The following FRMD4A variants were observed in gnomAD, a reference collection of about 807,000 sequenced individuals.
FRMD4A encodes FERM domain containing 4A.
In FRMD4A, 29 loss-of-function variants were observed where a neutral mutation model predicts 129.1. The observed-to-expected ratio is 0.22, with a 90% confidence interval of 0.17 to 0.31. The LOEUF is 0.31. Among genes scored for constraint, FRMD4A ranks in the 10% least tolerant of loss-of-function variants. The pLI is 1.00. For synonymous variants in FRMD4A, 634 were observed against 571.6 expected (o/e 1.11, Z -1.56); for missense variants, 1,272 against 1,375.8 (o/e 0.92, Z 1.19).
chr10:13,954,894 T>C (rs1034199503), intron 2 of FRMD4A, among the ~76,000 whole-genome samples: 7 of 152,194 alleles, frequency 4.6e-5, no homozygotes, highest in Non-Finnish European at 8.8e-5. Context: ...CATTAGATTG[T>C]AAGTGGGCTA....
chr10:13,709,181 C>T (rs2087764492), intron 12 of FRMD4A, among the ~76,000 whole-genome samples: 1 of 152,178 alleles, frequency 6.6e-6, no homozygotes, highest in African/African-American at 2.4e-5. Context: ...GCAGGCTGGT[C>T]TCCAACTCCT....
chr10:14,035,033 A>G (rs1833430025), intron 2 of FRMD4A, among the ~76,000 whole-genome samples: 1 of 152,212 alleles, frequency 6.6e-6, no homozygotes, highest in South Asian at 2.1e-4. Context: ...GAGTAATATG[A>G]AACAGTACAA....
At chr10:13,983,686 T>C (rs1339961898) in intron 2 of FRMD4A, among the ~76,000 whole-genome samples, 1 of 152,046 alleles carries the variant, frequency 6.6e-6, no homozygotes, top group Non-Finnish European at 1.5e-5. Context: ...GAGCCATCTG[T>C]TAGATCTGTT....
intron 2 of FRMD4A, among the ~76,000 whole-genome samples, chr10:14,286,488 C>T (rs1200774163): frequency 6.6e-6 from 1 of 152,158 alleles, no homozygotes; most frequent in African/African-American, 2.4e-5. Context: ...GCTTGAGAAA[C>T]AATGTGCCAG....
chr10:14,249,264 A>G (rs1341681504), intron 2 of FRMD4A, among the ~76,000 whole-genome samples: 1 of 151,488 alleles, frequency 6.6e-6, no homozygotes, highest in African/African-American at 2.4e-5. Context: ...AGGCAGGAGA[A>G]TCATTTGAAC....
intron 14 of FRMD4A, among the ~76,000 whole-genome samples, chr10:13,698,391 T>A (rs3829930): frequency 6.6e-6 from 1 of 151,972 alleles, no homozygotes; most frequent in African/African-American, 2.4e-5. Context: ...AGAAATGTTA[T>A]GAAGCTCTCT....
At chr10:13,974,524 TG>T (rs2095534068) in intron 2 of FRMD4A, among the ~76,000 whole-genome samples, 1 of 151,420 alleles carries the variant, frequency 6.6e-6, no homozygotes. Flanking sequence ...TAGCCTTGAC[TG>T]ATTGATTGAT....
intron 2 of FRMD4A, among the ~76,000 whole-genome samples, chr10:13,978,802 T>C (rs2095550927): frequency 6.6e-6 from 1 of 152,158 alleles, no homozygotes; most frequent in Non-Finnish European, 1.5e-5. Context: ...GCTGTGTATA[T>C]AAAAATATTT....
chr10:13,790,287 C>T (rs1295975461), intron 5 of FRMD4A, among the ~76,000 whole-genome samples: 2 of 152,160 alleles, frequency 1.3e-5, no homozygotes, highest in Non-Finnish European at 2.9e-5. Context: ...AAGACGACGA[C>T]ATCATTAGAT....
At chr10:14,322,774 T>G (rs1843113535) in intron 2 of FRMD4A, among the ~76,000 whole-genome samples, 1 of 152,210 alleles carries the variant, frequency 6.6e-6, no homozygotes, top group South Asian at 2.1e-4. Flanking sequence ...ACTACCAGGC[T>G]AAATACCGTA....
At chr10:14,164,100 G>T (rs1841044963) in intron 2 of FRMD4A, among the ~76,000 whole-genome samples, 1 of 152,192 alleles carries the variant, frequency 6.6e-6, no homozygotes, top group African/African-American at 2.4e-5. Flanking sequence ...TTGTTGGCAC[G>T]TGATGGAAAA....
intron 2 of FRMD4A, among the ~76,000 whole-genome samples, chr10:14,252,449 C>G (rs1844472313): frequency 6.6e-6 from 1 of 152,130 alleles, no homozygotes; most frequent in African/African-American, 2.4e-5. Flanking sequence ...GTTCTTGACT[C>G]TTTTTGGGGT....
chr10:13,949,801 A>G (rs2095359486), intron 2 of FRMD4A, among the ~76,000 whole-genome samples: 1 of 152,224 alleles, frequency 6.6e-6, no homozygotes, highest in African/African-American at 2.4e-5. Context: ...TACCGAGTTG[A>G]TACTGGAGCC....
At chr10:13,718,435 G>C (rs879864913) in intron 12 of FRMD4A, among the ~76,000 whole-genome samples, 1 of 152,260 alleles carries the variant, frequency 6.6e-6, no homozygotes, top group Admixed American at 6.5e-5. Flanking sequence ...CGCTTGACCC[G>C]AGACATGCAG....
chr10:13,806,148 T>A lies in FRMD4A; in HGVS notation c.206+4666A>T, dbSNP rs564822925. ...TTGGTATTACAGGTGTGAGCCACAA[T>A]TTTTTTTTTTTTGTTTTGTGGTAGA... On this transcript the variant is annotated intron_variant, in intron 4 of 24. Transcript: ENST00000357447. Among the ~76,000 whole-genome samples, 51 of 151,648 alleles carry A rather than the reference T, an allele frequency of 3.4e-4. No homozygotes were observed. In the South Asian group the frequency reaches 1.0e-2, roughly 30 times the overall value.
intron 2 of FRMD4A, among the ~76,000 whole-genome samples, chr10:14,207,995 G>A (rs1199511270): frequency 1.3e-5 from 2 of 151,968 alleles, no homozygotes; most frequent in African/African-American, 4.8e-5. Flanking sequence ...GAACTTAGGA[G>A]TTCAAGACCA....
intron 2 of FRMD4A, among the ~76,000 whole-genome samples, chr10:13,893,604 C>G (rs1276379249): frequency 6.6e-6 from 1 of 152,100 alleles, no homozygotes; most frequent in East Asian, 1.9e-4. Context: ...CTCACTGCAG[C>G]CTCCCCTCCT....
chr10:14,001,109 C>T (rs900485676), intron 2 of FRMD4A, among the ~76,000 whole-genome samples: 8 of 152,142 alleles, frequency 5.3e-5, no homozygotes, highest in South Asian at 2.1e-4. Flanking sequence ...CCCAAATCAT[C>T]GATCTTGGTA....
intron 24 of FRMD4A, chr10:13,647,741 T>C (rs1468546738): frequency 6.6e-6 from 1 of 151,938 alleles, no homozygotes; most frequent in East Asian, 1.9e-4. Flanking sequence ...GCTTTTTTTT[T>C]TTTTTTTAAG....
Sources: allele counts gnomAD v4.1 joint callset (sites outside exome capture counted in the v4.1 genomes callset), GRCh38; gene constraint gnomAD v4.1.1; transcripts MANE v1.5; gene names NCBI Gene and HGNC (gene_info 2026-07-23, HGNC 2026-07-21).